Variants in MCTP1 observed in about 807,000 individuals in gnomAD.
The protein encoded by MCTP1 is multiple C2 and transmembrane domain containing 1, also known as multiple C2 and transmembrane domain-containing protein 1.
A neutral mutation model predicts 120.6 loss-of-function variants in MCTP1; 69 were observed. The observed-to-expected ratio is 0.57, with a 90% confidence interval of 0.47 to 0.70. The LOEUF is 0.70. MCTP1 is among the 30% of genes least tolerant of loss of function. The pLI, the probability that MCTP1 is intolerant of heterozygous loss-of-function variation, is 0.00. For synonymous variants in MCTP1, 529 were observed against 493.1 expected, an observed-to-expected ratio of 1.07 and a Z score of -0.96; for missense variants, 1,203 against 1,248.8, an observed-to-expected ratio of 0.96 and a Z score of 0.55.
intron 1 of MCTP1, among the ~76,000 whole-genome samples, chr5:95,035,268 T>C (rs1841076188): frequency 6.6e-6 from 1 of 151,974 alleles, no homozygotes; most frequent in African/African-American, 2.4e-5. Flanking sequence ...AAACCTGCAT[T>C]TATATGTTTA....
intron 1 of MCTP1, among the ~76,000 whole-genome samples, chr5:95,133,584 G>C (rs1381504001): frequency 1.3e-5 from 2 of 152,224 alleles, no homozygotes; most frequent in African/African-American, 2.4e-5. Context: ...CAACCTGGGA[G>C]GTGAAGGTTG....
At chr5:95,095,384 G>A (rs1416923108) in intron 1 of MCTP1, among the ~76,000 whole-genome samples, 1 of 152,118 alleles carries the variant, frequency 6.6e-6, no homozygotes, top group African/African-American at 2.4e-5. Flanking sequence ...AGTAAACAGA[G>A]GGCATTTTTT....
intron 19 of MCTP1, among the ~76,000 whole-genome samples, chr5:94,771,832 T>G (rs2152904267): frequency 6.6e-6 from 1 of 152,330 alleles, no homozygotes; most frequent in South Asian, 2.1e-4. Context: ...AAATCACAAA[T>G]GTATTATCTT....
intron 1 of MCTP1, among the ~76,000 whole-genome samples, chr5:95,233,236 A>T (rs188447391): frequency 6.6e-6 from 1 of 152,326 alleles, no homozygotes; most frequent in East Asian, 1.9e-4. Context: ...TGTACAAAAG[A>T]TACTGTCTAA....
At position 94,909,295 on chromosome 5, in the gene MCTP1, A is replaced by G. The variant is rs755914154; in HGVS notation, c.1608T>C (p.Thr536=). Residue 536 remains threonine, a synonymous_variant, in exon 10 of 23, where the codon ACT becomes ACC. Transcript: ENST00000515393. The part of the protein sequence containing the change: ...YEERGGVIDI[T]AWDKDAGKRD... ...TTTTCCCAGCATCTTTGTCCCATGC[A>G]GTGATATCAATGACTCCTCCTCTTT... is the stretch of plus-strand genomic sequence containing the variant. The G allele has an allele frequency of 3.1e-6, 5 of 1,611,352 alleles. No homozygotes were observed. Among genetic ancestry groups the G allele is most frequent in the Non-Finnish European group, 4.2e-6 (5 of 1,178,806 alleles).
intron 14 of MCTP1, 152 bp downstream of exon 14, chr5:94,871,163 G>T: frequency 4.5e-6 from 3 of 673,400 alleles, no homozygotes; most frequent in Non-Finnish European, 7.8e-6. Context: ...ATTCAACATG[G>T]CCGTGAATTG....
intron 2 of MCTP1, among the ~76,000 whole-genome samples, chr5:94,983,131 T>C (rs1829795018): frequency 6.6e-6 from 1 of 151,970 alleles, no homozygotes; most frequent in Non-Finnish European, 1.5e-5. Context: ...AACAGACTAA[T>C]AGCCACGAGA....
chr5:95,207,852 G>C (rs1452282644), intron 1 of MCTP1, among the ~76,000 whole-genome samples: 6 of 151,688 alleles, frequency 4.0e-5, no homozygotes, highest in East Asian at 1.9e-4. Flanking sequence ...GAGACCTAGG[G>C]AGAAAGAAGG....
At chr5:94,916,938 A>G (rs1581342859) in intron 8 of MCTP1, among the ~76,000 whole-genome samples, 1 of 152,230 alleles carries the variant, frequency 6.6e-6, no homozygotes, top group East Asian at 1.9e-4. Context: ...AATAACTATT[A>G]ATACAATTGT....
rs1461555641 is a variant in MCTP1, at chr5:94,707,096, AAAT to A, written c.*397_*399del. 2 of 154,130 alleles carry A rather than the reference AAAT, an allele frequency of 1.3e-5. No individual in the cohort carries two copies. Among genetic ancestry groups the A allele is most frequent in the Non-Finnish European group, 2.9e-5 (2 of 69,582 alleles). 9.5% of individuals were successfully genotyped at this position (154,130 alleles called of 1,614,324 possible). A position where few individuals can be genotyped will look rare whatever the true frequency, so the allele number is the denominator to read the frequency against. On this transcript the variant is annotated 3_prime_UTR_variant, in exon 23 of 23. Coordinates refer to ENST00000515393, the MANE Select transcript of MCTP1 (RefSeq NM_024717.7). ...TGTAATGGATTACTTTTCAGATAAA[AAAT>A]AGTCGCATTAAAAAAAAACTTTAAA...
intron 1 of MCTP1, among the ~76,000 whole-genome samples, chr5:95,034,852 A>C (rs1363033961): frequency 6.6e-6 from 1 of 152,044 alleles, no homozygotes; most frequent in Non-Finnish European, 1.5e-5. Flanking sequence ...AGAATCTATA[A>C]GGAACTTTAA....
At chr5:95,133,769 A>G (rs558654944) in intron 1 of MCTP1, among the ~76,000 whole-genome samples, 2 of 152,356 alleles carry the variant, frequency 1.3e-5, no homozygotes, top group South Asian at 4.1e-4. Context: ...CTGGTTAACC[A>G]TGGGTGACTG....
intron 1 of MCTP1, among the ~76,000 whole-genome samples, chr5:95,224,807 A>G (rs1341478196): frequency 6.6e-6 from 1 of 152,180 alleles, no homozygotes; most frequent in African/African-American, 2.4e-5. Context: ...CACCACACCC[A>G]GCCTAGGCTG....
At chr5:95,084,848 G>A (rs901819815) in intron 1 of MCTP1, among the ~76,000 whole-genome samples, 1 of 152,002 alleles carries the variant, frequency 6.6e-6, no homozygotes, top group African/African-American at 2.4e-5. Flanking sequence ...CACATCTCCT[G>A]CTTTTGTATT....
At chr5:95,171,595 A>C (rs1343184618) in intron 1 of MCTP1, among the ~76,000 whole-genome samples, 1 of 152,124 alleles carries the variant, frequency 6.6e-6, no homozygotes. Context: ...TATTTCTTGG[A>C]GGCTTTGTTC....
chr5:95,021,459 A>G (rs1028002539), intron 1 of MCTP1, among the ~76,000 whole-genome samples: 5 of 152,132 alleles, frequency 3.3e-5, no homozygotes, highest in Admixed American at 1.3e-4. Context: ...TAAGGAAAAT[A>G]GAACTTTCCA....
At chr5:94,847,412 T>G (rs1347778764) in intron 17 of MCTP1, among the ~76,000 whole-genome samples, 1 of 152,132 alleles carries the variant, frequency 6.6e-6, no homozygotes. Flanking sequence ...CTTCTGTTTC[T>G]AAGAGTATTT....
intron 17 of MCTP1, among the ~76,000 whole-genome samples, chr5:94,833,461 G>A (rs6871880): frequency 0.087 from 13,231 of 152,148 alleles, 711 homozygotes; most frequent in East Asian, 0.25. Context: ...CAATTATGTG[G>A]TAATTTCTTT....
At chr5:95,068,335 G>T (rs1272098963) in intron 1 of MCTP1, among the ~76,000 whole-genome samples, 1 of 152,014 alleles carries the variant, frequency 6.6e-6, no homozygotes, top group Non-Finnish European at 1.5e-5. Flanking sequence ...AGTCAGAGTT[G>T]GTGGGGTATG....
Sources: allele counts gnomAD v4.1 joint callset (sites outside exome capture counted in the v4.1 genomes callset), GRCh38; gene constraint gnomAD v4.1.1; transcripts MANE v1.5; gene names NCBI Gene and HGNC (gene_info 2026-07-23, HGNC 2026-07-21).